The following PACRG variants were observed in gnomAD, a reference collection of about 807,000 sequenced individuals.
PACRG encodes parkin coregulated, also known as parkin coregulated gene protein.
A neutral mutation model predicts 29.7 loss-of-function variants in PACRG; 29 were observed. That is an observed-to-expected ratio of 0.98 (90% CI 0.73 to 1.33). The LOEUF is 1.33. PACRG is among the 40% of genes most tolerant of loss of function. The pLI is 0.00. For synonymous variants in PACRG, 116 were observed against 118.7 expected (o/e 0.98, Z 0.15); for missense variants, 279 against 316.2 (o/e 0.88, Z 0.89).
intron 1 of PACRG, among the ~76,000 whole-genome samples, chr6:162,745,258 A>G (rs1003436969): frequency 6.6e-6 from 1 of 152,194 alleles, no homozygotes; most frequent in African/African-American, 2.4e-5. Context: ...GCTGGAAGCC[A>G]TCATCCTCAG....
chr6:163,108,799 C>G (rs16894481), intron 4 of PACRG, among the ~76,000 whole-genome samples: 6,742 of 152,138 alleles, frequency 0.044, 494 homozygotes, highest in African/African-American at 0.15. Context: ...CATACAAATA[C>G]AGGAAATGTA....
intron 2 of PACRG, among the ~76,000 whole-genome samples, chr6:162,901,012 G>C (rs532084435): frequency 9.9e-5 from 15 of 152,076 alleles, no homozygotes; most frequent in Non-Finnish European, 1.9e-4. Context: ...ACATAGCCTT[G>C]GTGAGTATTA....
At chr6:162,948,647 G>T (rs768047359) in intron 2 of PACRG, among the ~76,000 whole-genome samples, 3 of 151,996 alleles carry the variant, frequency 2.0e-5, no homozygotes, top group Non-Finnish European at 4.4e-5. Context: ...ATCTGACAAA[G>T]AACTAATATT....
chr6:163,139,980 C>T (rs1375963589), intron 4 of PACRG, among the ~76,000 whole-genome samples: 1 of 152,164 alleles, frequency 6.6e-6, no homozygotes, highest in African/African-American at 2.4e-5. Context: ...CAAGTACTGT[C>T]CCTTCTGCCA....
At chr6:162,856,137 G>A (rs1302738923) in intron 2 of PACRG, among the ~76,000 whole-genome samples, 1 of 152,020 alleles carries the variant, frequency 6.6e-6, no homozygotes, top group Non-Finnish European at 1.5e-5. Flanking sequence ...GCTCAATGCG[G>A]CCTCGAACTT....
At chr6:163,231,314 G>A (rs1562328822) in intron 4 of PACRG, among the ~76,000 whole-genome samples, 1 of 152,210 alleles carries the variant, frequency 6.6e-6, no homozygotes, top group Non-Finnish European at 1.5e-5. Flanking sequence ...TGAAAATGCT[G>A]TTAGAACAAG....
intron 4 of PACRG, among the ~76,000 whole-genome samples, chr6:163,138,069 C>A (rs1166922169): frequency 1.3e-5 from 2 of 152,174 alleles, no homozygotes; most frequent in Non-Finnish European, 2.9e-5. Flanking sequence ...GGGAGCCTGT[C>A]GGAGCCGCCT....
chr6:163,220,257 T>C (rs997140516), intron 4 of PACRG, among the ~76,000 whole-genome samples: 6 of 152,174 alleles, frequency 3.9e-5, no homozygotes, highest in Non-Finnish European at 8.8e-5. Context: ...ATCTTTTTAG[T>C]AATTATGCTC....
chr6:163,269,935 G>C (rs201195179), intron 4 of PACRG, among the ~76,000 whole-genome samples: 247 of 14,910 alleles, frequency 0.017, 1 homozygote, highest in Admixed American at 0.034. Context: ...AGAAAACAAA[G>C]AAAGAAAGAA....
chr6:162,816,665 T>G (rs958220285), intron 2 of PACRG, among the ~76,000 whole-genome samples: 1 of 152,128 alleles, frequency 6.6e-6, no homozygotes, highest in Admixed American at 6.5e-5. Flanking sequence ...ACATTAAGAT[T>G]GTTAAACATA....
intron 2 of PACRG, among the ~76,000 whole-genome samples, chr6:162,968,508 A>G (rs983394211): frequency 3.3e-5 from 5 of 152,186 alleles, no homozygotes; most frequent in South Asian, 2.1e-4. Flanking sequence ...TTTGAAAGGC[A>G]TATGTTTTAC....
chr6:163,219,649 C>T (rs1289857892), intron 4 of PACRG, among the ~76,000 whole-genome samples: 3 of 144,176 alleles, frequency 2.1e-5, no homozygotes, highest in East Asian at 3.9e-4. Context: ...TGCAGCTCAG[C>T]CTGCCTTTCC....
chr6:162,944,179 G>A (rs190590333), intron 2 of PACRG, among the ~76,000 whole-genome samples: 136 of 152,208 alleles, frequency 8.9e-4, no homozygotes, highest in African/African-American at 3.0e-3. Flanking sequence ...AATAACTACC[G>A]TAAGCCACTG....
At chr6:163,308,181 G>T (rs749272815) in intron 4 of PACRG, among the ~76,000 whole-genome samples, 1 of 151,472 alleles carries the variant, frequency 6.6e-6, no homozygotes, top group East Asian at 1.9e-4. Flanking sequence ...TTCTAAATTC[G>T]CAAACATTAT....
At chr6:162,859,861 A>G (rs983829873) in intron 2 of PACRG, among the ~76,000 whole-genome samples, 3 of 152,204 alleles carry the variant, frequency 2.0e-5, no homozygotes, top group African/African-American at 7.2e-5. Flanking sequence ...TCTTAATTTC[A>G]GAAGGCACCT....
intron 4 of PACRG, among the ~76,000 whole-genome samples, chr6:163,262,619 G>A (rs1038264113): frequency 4.0e-5 from 6 of 151,574 alleles, no homozygotes; most frequent in African/African-American, 9.7e-5. Context: ...CATGGCCATC[G>A]GCATTCCAAT....
intron 2 of PACRG, among the ~76,000 whole-genome samples, chr6:162,943,496 A>G (rs961274098): frequency 2.0e-5 from 3 of 152,042 alleles, no homozygotes; most frequent in East Asian, 3.9e-4. Flanking sequence ...TGCCACTGAA[A>G]AAGCAACCCT....
intron 2 of PACRG, among the ~76,000 whole-genome samples, chr6:162,868,720 T>C (rs962515749): frequency 3.9e-5 from 6 of 152,198 alleles, no homozygotes; most frequent in Non-Finnish European, 5.9e-5. Flanking sequence ...TCCTTCGCCA[T>C]GCACATGCGC....
intron 4 of PACRG, among the ~76,000 whole-genome samples, chr6:163,306,418 C>T (rs1480745916): frequency 6.6e-6 from 1 of 152,104 alleles, no homozygotes; most frequent in Non-Finnish European, 1.5e-5. Flanking sequence ...TTGATGAACC[C>T]ACCTATTTTT....
Sources: gnomAD v4.1 joint callset for allele counts (sites outside exome capture counted in the v4.1 genomes callset) on GRCh38, gnomAD v4.1.1 for gene constraint, MANE v1.5 for transcripts, NCBI Gene and HGNC (gene_info 2026-07-23, HGNC 2026-07-21) for gene names.